The following PSG9 variants were observed in gnomAD, a reference collection of about 807,000 sequenced individuals.
The protein encoded by PSG9 is pregnancy-specific beta-1-glycoprotein 9.
In PSG9, 49 loss-of-function variants were observed where a neutral mutation model predicts 41.9. The observed-to-expected ratio is 1.17, with a 90% CI of 0.93 to 1.48. PSG9 has a LOEUF of 1.48. Among genes scored for constraint, PSG9 ranks in the 40% most tolerant of loss-of-function variants. The pLI is 0.00. For missense variants in PSG9, 641 were observed against 520.3 expected, an observed-to-expected ratio of 1.23 and a Z score of -2.26; for synonymous variants, 263 against 196.8, an observed-to-expected ratio of 1.34 and a Z score of -2.82.
chr19:43,257,081 ACTGAAATAAAC>A (rs1372257139), intron 5 of PSG9: 2 of 147,464 alleles, frequency 1.4e-5, no homozygotes, highest in Non-Finnish European at 3.0e-5. Context: ...TATTATGCTA[ACTGAAATAAAC>A]CAGACACAAA....
chr19:43,257,342 T>C (rs914874451), intron 5 of PSG9: 3 of 942,374 alleles, frequency 3.2e-6, no homozygotes, highest in Admixed American at 1.3e-4. Flanking sequence ...ATTAGATATA[T>C]ATAAAGTGTC....
At chr19:43,257,641 C>A (rs1968494601) in intron 5 of PSG9, 4 of 1,019,192 alleles carry the variant, frequency 3.9e-6, no homozygotes, top group South Asian at 4.6e-5. Flanking sequence ...TCAGGACAGG[C>A]CACCAGGGCC....
In PSG9 at chr19:43,268,157, G is replaced by T. The variant is rs187187238; in HGVS notation, c.65-8C>A. The stretch of plus-strand genomic sequence containing the variant: ...AGAAGTTTAAAAGTGATGCTAGGAG[G>T]GGGAGACAGCATCAGTTAATATTGA... On this transcript the variant is annotated splice_polypyrimidine_tract_variant and splice_region_variant and intron_variant, in intron 1 of 5. Transcript: ENST00000270077. 3.1e-6 allele frequency: 5 copies of T among 1,590,464 alleles called. No homozygotes were observed. Among genetic ancestry groups the T allele is most frequent in the South Asian group, 2.3e-5 (2 of 86,214 alleles).
rs1968540293 is a variant in PSG9, at chr19:43,258,384, C to T, written c.1061G>A (p.Cys354Tyr). Residue 354 changes from cysteine to tyrosine, a missense_variant, in exon 5 of 6, where the codon TGC becomes TAC. By Grantham distance (194) the Cys-to-Tyr change is radical. Coordinates refer to ENST00000270077, the MANE Select transcript of PSG9 (RefSeq NM_002784.5). Reference sequence around the variant, plus strand: ...TGCCGGTGGGTTAGATTCCGTGAAGCAGGACAAGTCGAGGTTTTCTCCTGA... The same window carrying T: ...TGCCGGTGGGTTAGATTCCGTGAAGTAGGACAAGTCGAGGTTTTCTCCTGA... ...YRSGENLDLS[C>Y]FTESNPPAEY... 1.3e-6 allele frequency: 2 copies of T among 1,592,278 alleles called. No individual in the cohort carries two copies. Among genetic ancestry groups the T allele is most frequent in the South Asian group, 2.2e-5 (2 of 89,886 alleles).
chr19:43,257,227 T>C, intron 5 of PSG9: 3 of 345,740 alleles, frequency 8.7e-6, no homozygotes, highest in Non-Finnish European at 1.2e-5. Flanking sequence ...GTTTATTGGG[T>C]ACAGAGGTTT....
At position 43,262,144 on chromosome 19, in the gene PSG9, C is replaced by A. The variant is rs750901997; in HGVS notation, c.431-6G>T. On this transcript the variant is annotated splice_region_variant and splice_polypyrimidine_tract_variant and intron_variant, in intron 2 of 5. Coordinates refer to ENST00000270077, the MANE Select transcript of PSG9 (RefSeq NM_002784.5). ...GTAGGGCTTGGGAGTCTCCACTGTG[C>A]AGAAAACAGAGAGAAGATTGCCCTG... The A allele has an allele frequency of 6.2e-7, 1 of 1,610,130 alleles. No individual in the cohort carries two copies. Among genetic ancestry groups the A allele is most frequent in the Admixed American group, 1.7e-5 (1 of 59,788 alleles).
chr19:43,257,468 C>T, intron 5 of PSG9: 1 of 977,132 alleles, frequency 1.0e-6, no homozygotes, highest in South Asian at 4.8e-5. Flanking sequence ...TCACTGTCCT[C>T]CGTGCTGTGT....
At chr19:43,256,941 AAAC>A (rs1345811498) in intron 5 of PSG9, among the ~76,000 whole-genome samples, 1 of 147,090 alleles carries the variant, frequency 6.8e-6, no homozygotes. Flanking sequence ...GAAAAAATGG[AAAC>A]AACTGAAAAG....
At chr19:43,264,364 G>A (rs975065236) in intron 2 of PSG9, among the ~76,000 whole-genome samples, 3 of 151,878 alleles carry the variant, frequency 2.0e-5, no homozygotes, top group African/African-American at 7.3e-5. Context: ...TTTCAGTTTT[G>A]GAAGTTTCTA....
intron 2 of PSG9, among the ~76,000 whole-genome samples, chr19:43,267,455 C>T (rs1319615935): frequency 6.6e-6 from 1 of 152,084 alleles, no homozygotes; most frequent in Non-Finnish European, 1.5e-5. Context: ...CAAGCCAAGC[C>T]CTACTCAGTT....
rs1231112877 is a variant in PSG9, at chr19:43,254,823, G to A, written c.1244-1177C>T. On this transcript the variant is annotated intron_variant, in intron 5 of 5. Coordinates refer to ENST00000270077, the MANE Select transcript of PSG9 (RefSeq NM_002784.5). The stretch of plus-strand genomic sequence containing the variant: ...TGAAAATGGACTCTGAGCATGGTGG[G>A]TCATGTTTTAATCCTAGCACTTTGG... Among the ~76,000 whole-genome samples, 8 of 145,724 alleles carry A rather than the reference G, an allele frequency of 5.5e-5. 1 individual carries two copies.
At chr19:43,267,011 T>C (rs1430685101) in intron 2 of PSG9, among the ~76,000 whole-genome samples, 3 of 152,214 alleles carry the variant, frequency 2.0e-5, no homozygotes, top group Non-Finnish European at 4.4e-5. Context: ...CATTTATTAT[T>C]AATTTGCTTC....
chr19:43,254,373 A>G (rs1968372185), intron 5 of PSG9, among the ~76,000 whole-genome samples: 1 of 146,478 alleles, frequency 6.8e-6, no homozygotes. Context: ...ATAGCAGCTG[A>G]CATTGGTTCC....
Position 43,258,187 on chromosome 19 carries a change from C to T in PSG9, c.1243+15G>A, listed in dbSNP as rs1568411333. On this transcript the variant is annotated intron_variant, in intron 5 of 5. Transcript: ENST00000270077. ...ACATAAAACCCTACTGCCAAGGATG[C>T]TGGGATCCACTTACCAGAGACTTTG... 6.3e-7 allele frequency: 1 copy of T among 1,592,592 alleles called. No individual in the cohort carries two copies. The highest frequency in any genetic ancestry group is 8.5e-7 in the Non-Finnish European group (1 of 1,174,436).
At chr19:43,265,934 A>G (rs191562682) in intron 2 of PSG9, among the ~76,000 whole-genome samples, 122 of 152,110 alleles carry the variant, frequency 8.0e-4, no homozygotes, top group African/African-American at 2.8e-3. Context: ...TGCCTTTCCT[A>G]TTTCCTGGGA....
intron 2 of PSG9, among the ~76,000 whole-genome samples, chr19:43,266,403 G>C (rs1372700404): frequency 6.6e-6 from 1 of 151,440 alleles, no homozygotes; most frequent in Non-Finnish European, 1.5e-5. Context: ...CTTCATTCAA[G>C]TTCTTCATTC....
Position 43,262,102 on chromosome 19 carries a change from A to C in PSG9, c.467T>G (p.Leu156Ter). 6.2e-7 allele frequency: 1 copy of C among 1,613,844 alleles called. No homozygotes were observed. The highest frequency in any genetic ancestry group is 8.5e-7 in the Non-Finnish European group (1 of 1,179,840). The change falls in exon 3 of 6, where the codon TTA (leucine) becomes TGA (stop). Residue 156 changes from leucine to a stop codon, truncating the protein, a stop_gained. Coordinates refer to ENST00000270077, the MANE Select transcript of PSG9 (RefSeq NM_002784.5). LOFTEE classifies it high-confidence loss of function. ...TPKPYISSSN[L>*]NPREAMEAVR... ...AGCCTCCATGGCCTCCCTGGGGTTT[A>C]AGTTGCTGCTGGAGATGTAGGGCTT...
intron 2 of PSG9, among the ~76,000 whole-genome samples, chr19:43,262,913 G>A (rs1968794596): frequency 6.6e-6 from 1 of 152,180 alleles, no homozygotes; most frequent in South Asian, 2.1e-4. Flanking sequence ...GAGGGCAGGT[G>A]AGGACCATGT....
intron 1 of PSG9, 71 bp from the exon 2 acceptor site, chr19:43,268,220 C>A: frequency 6.7e-7 from 1 of 1,491,130 alleles, no homozygotes; most frequent in Admixed American, 2.2e-5. Context: ...GGCCCTGGGT[C>A]CTGAGAAGGT....
Sources: gnomAD v4.1 joint callset for allele counts (sites outside exome capture counted in the v4.1 genomes callset) on GRCh38, gnomAD v4.1.1 for gene constraint, MANE v1.5 for transcripts, NCBI Gene and HGNC (gene_info 2026-07-23, HGNC 2026-07-21) for gene names.